The following TAF12 variants were observed in gnomAD, a reference collection of about 807,000 sequenced individuals.
TAF12 encodes the protein transcription initiation factor TFIID subunit 12.
TAF12 carries 3 observed loss-of-function variants against 20.8 expected under a neutral mutation model. The ratio of observed to expected loss-of-function variants is 0.14; its 90% CI spans 0.07 to 0.37. The LOEUF is 0.37. Among genes scored for constraint, TAF12 ranks in the 10% least tolerant of loss-of-function variants. The pLI is 1.00. For missense variants in TAF12, 131 were observed against 197.9 expected (o/e 0.66, Z 2.03); for synonymous variants, 69 against 70.2 (o/e 0.98, Z 0.09).
At chr1:28,610,884 TG>T (rs1473843274) in intron 4 of TAF12, among the ~76,000 whole-genome samples, 3 of 138,784 alleles carry the variant, frequency 2.2e-5, no homozygotes, top group South Asian at 2.3e-4. Context: ...CCCTTGAACC[TG>T]GGAGGCGGAG....
rs145432715 is a variant in TAF12 at position 28,611,906 on chromosome 1, G to C, written c.361+1341C>G. Among the ~76,000 whole-genome samples, 17 of 152,254 alleles carry C rather than the reference G, an allele frequency of 1.1e-4. No homozygotes were observed. In the East Asian group the frequency reaches 3.3e-3, roughly 29 times the overall value. ...GAGCCCAGTCAACCCCCAGATTCAT[G>C]AATCAAATCAACAACTGTTATTGTG... On this transcript the variant is annotated intron_variant, in intron 4 of 5. Coordinates refer to ENST00000373824, the MANE Select transcript of TAF12 (RefSeq NM_005644.4).
At position 28,641,682 on chromosome 1, in the gene TAF12, T is replaced by A. The variant is rs2124393750; in HGVS notation, c.-85+1310A>T. Among the ~76,000 whole-genome samples, 2 of 150,886 alleles carry A rather than the reference T, an allele frequency of 1.3e-5. 1 individual carries two copies. The highest frequency in any genetic ancestry group is 4.2e-4 in the South Asian group (2 of 4,804). ...GGTGGCACACGCCCGTAGTTCCAGC[T>A]ACTCAGGAGGTATAGGTGGGAAGAC... On this transcript the variant is annotated intron_variant, in intron 1 of 5. Coordinates refer to ENST00000373824, the MANE Select transcript of TAF12 (RefSeq NM_005644.4).
intron 1 of TAF12, among the ~76,000 whole-genome samples, chr1:28,625,005 T>C (rs1054220602): frequency 1.3e-5 from 2 of 152,146 alleles, no homozygotes; most frequent in Non-Finnish European, 1.5e-5. Context: ...TTTCTTAACA[T>C]GGTAATAGCT....
intron 1 of TAF12, among the ~76,000 whole-genome samples, chr1:28,626,003 C>T (rs1161443418): frequency 1.9e-4 from 29 of 150,536 alleles, no homozygotes; most frequent in African/African-American, 4.6e-4. Context: ...TTTTTTGAGA[C>T]GGAGTCTCAC....
chr1:28,612,406 G>A (rs1428292660), intron 4 of TAF12, among the ~76,000 whole-genome samples: 1 of 149,960 alleles, frequency 6.7e-6, no homozygotes, highest in Non-Finnish European at 1.5e-5. Flanking sequence ...TGGCATCACT[G>A]CACTCTAACC....
intron 5 of TAF12, among the ~76,000 whole-genome samples, chr1:28,603,856 G>C (rs1038030449): frequency 6.6e-6 from 1 of 152,038 alleles, no homozygotes; most frequent in Non-Finnish European, 1.5e-5. Flanking sequence ...GACAGCTCTT[G>C]AGTTTTGGTG....
At position 28,621,922 on chromosome 1, in the gene TAF12, T is replaced by C. The variant is rs1334655428; in HGVS notation, c.160A>G (p.Asn54Asp). 1 of 1,613,214 alleles carries C rather than the reference T, an allele frequency of 6.2e-7. No homozygotes were observed. The highest frequency in any genetic ancestry group is 8.5e-7 in the Non-Finnish European group (1 of 1,179,766). Residue 54 changes from asparagine to aspartate, a missense_variant, in exon 2 of 6, where the codon AAC becomes GAC. Physicochemically the swap from Asn to Asp is conservative, Grantham distance 23. This residue lies in a region of TAF12 where 63 missense variants were observed against 72.1 expected (regional missense o/e 0.87). Coordinates refer to ENST00000373824, the MANE Select transcript of TAF12 (RefSeq NM_005644.4). ...GAGTAAGAGGATGATACCTGATTGT[T>C]TTCAGGGCTAAGACGACCTCCTGCC... ...PGAGGRLSPENNQVLTKKKLQ... is the reference protein window; with the variant it reads ...PGAGGRLSPEDNQVLTKKKLQ...
At chr1:28,615,678 C>CAAAAAAAAAAAAAA (rs57536422) in intron 3 of TAF12, among the ~76,000 whole-genome samples, 5 of 34,484 alleles carry the variant, frequency 1.4e-4, no homozygotes, top group African/African-American at 5.3e-4. Context: ...GACTCCGTCT[C>CAAAAAAAAAAAAAA]AAAAAAAAAA....
At chr1:28,607,524 TAGTC>T (rs1351881220) in intron 4 of TAF12, among the ~76,000 whole-genome samples, 2 of 151,822 alleles carry the variant, frequency 1.3e-5, no homozygotes, top group Admixed American at 6.6e-5. Context: ...TATAAAAAAT[TAGTC>T]AGGCATGGTG....
At position 28,612,444 on chromosome 1, in the gene TAF12, A is replaced by T. The variant is rs576834459; in HGVS notation, c.361+803T>A. On this transcript the variant is annotated intron_variant, in intron 4 of 5. Transcript: ENST00000373824. The stretch of plus-strand genomic sequence containing the variant: ...GGTGACAGTGAGACTCGATCAAAAA[A>T]ATATATATATATATATTTATATATA... 2.2e-4 allele frequency among the ~76,000 whole-genome samples: 32 copies of T among 146,740 alleles called. No individual in the cohort carries two copies. The East Asian group carries it at 4.1e-3, about 19-fold the overall frequency.
intron 4 of TAF12, among the ~76,000 whole-genome samples, chr1:28,609,635 C>T (rs1284664596): frequency 6.6e-6 from 1 of 151,834 alleles, no homozygotes; most frequent in Non-Finnish European, 1.5e-5. Flanking sequence ...TACAGGCGTG[C>T]ACCACCACGC....
At chr1:28,640,811 G>A (rs780306426) in intron 1 of TAF12, among the ~76,000 whole-genome samples, 1 of 152,116 alleles carries the variant, frequency 6.6e-6, no homozygotes, top group Non-Finnish European at 1.5e-5. Context: ...AGGTGCAGTG[G>A]CTCATGCCTA....
At chr1:28,633,015 C>G (rs187932644) in intron 1 of TAF12, among the ~76,000 whole-genome samples, 77 of 152,048 alleles carry the variant, frequency 5.1e-4, no homozygotes, top group Middle Eastern at 3.4e-3. Context: ...AGGTATACAC[C>G]ACCATGCCCA....
At chr1:28,605,952 C>T (rs1666650804) in intron 4 of TAF12, among the ~76,000 whole-genome samples, 1 of 152,182 alleles carries the variant, frequency 6.6e-6, no homozygotes, top group Non-Finnish European at 1.5e-5. Context: ...CTGCCTCAGC[C>T]TCCTGAGTAG....
At chr1:28,643,549 A>G (rs1005095192), upstream of TAF12, 2 of 152,222 alleles carry the variant, frequency 1.3e-5, no homozygotes, top group African/African-American at 4.8e-5. Flanking sequence ...GCAATTCAGT[A>G]GTAACAATTG....
At chr1:28,637,949 A>T (rs1040065615) in intron 1 of TAF12, among the ~76,000 whole-genome samples, 2 of 152,082 alleles carry the variant, frequency 1.3e-5, no homozygotes, top group African/African-American at 4.8e-5. Flanking sequence ...ATAGGAGTTT[A>T]AGACCAGCCT....
intron 1 of TAF12, among the ~76,000 whole-genome samples, chr1:28,632,096 T>G (rs1049731999): frequency 1.3e-5 from 2 of 152,244 alleles, no homozygotes; most frequent in East Asian, 3.9e-4. Flanking sequence ...GTCCTTCAAA[T>G]GGTGAATAAA....
At chr1:28,634,721 G>A (rs1377165634) in intron 1 of TAF12, among the ~76,000 whole-genome samples, 1 of 151,014 alleles carries the variant, frequency 6.6e-6, no homozygotes, top group Non-Finnish European at 1.5e-5. Flanking sequence ...CCTGAGGTCG[G>A]AAGTTTGAGA....
chr1:28,618,720 A>C (rs573653484), intron 2 of TAF12, among the ~76,000 whole-genome samples: 2 of 151,768 alleles, frequency 1.3e-5, no homozygotes, highest in South Asian at 4.2e-4. Context: ...AGCCCATCCC[A>C]GTAAAGGTAA....
Sources: gnomAD v4.1 joint callset for allele counts (sites outside exome capture counted in the v4.1 genomes callset) on GRCh38, gnomAD v4.1.1 for gene constraint, gnomAD v4.1.1 regional missense constraint, MANE v1.5 for transcripts, NCBI Gene and HGNC (gene_info 2026-07-23, HGNC 2026-07-21) for gene names.